The following VPS37B variants were observed in gnomAD, a reference collection of about 807,000 sequenced individuals.
The protein encoded by VPS37B is vacuolar protein sorting-associated protein 37B.
VPS37B carries 11 observed loss-of-function variants against 21.2 expected under a neutral mutation model. The ratio of observed to expected loss-of-function variants is 0.52; its 90% confidence interval spans 0.33 to 0.86. VPS37B has a LOEUF of 0.86. Ranked by LOEUF, VPS37B falls within the 40% of genes least tolerant of loss-of-function variation. The probability of loss-of-function intolerance (pLI) is 0.03; values close to 1 mark genes in which losing one functional copy is unlikely to be tolerated. For missense variants in VPS37B, 389 were observed against 374.8 expected (o/e 1.04, Z -0.31); for synonymous variants, 175 against 159.6 (o/e 1.10, Z -0.73).
rs531914745 is a variant in VPS37B, at chr12:122,887,145, C to T, written c.111+8807G>A. On this transcript the variant is annotated intron_variant, in intron 1 of 3. Transcript: ENST00000267202. ...GCTCTGCTATAAGTCCAGTATATGT[C>T]CTTGAAGTCAGTTATCTCGGCTGCC... The T allele has an allele frequency of 2.6e-5, 4 of 152,256 alleles. No homozygotes were observed. In the East Asian group the frequency reaches 7.7e-4, roughly 29 times the overall value. The allele number at this position is 152,256 out of a possible 1,614,324, so 9.4% of individuals were successfully genotyped here. A position where few individuals can be genotyped will look rare whatever the true frequency, so the allele number is the denominator to read the frequency against.
chr12:122,875,223 A>ATTTT (rs34993068), intron 1 of VPS37B: 2 of 95,996 alleles, frequency 2.1e-5, no homozygotes, highest in African/African-American at 4.1e-5. Flanking sequence ...CACCTGGCTA[A>ATTTT]TTTTTTTTTT....
chr12:122,883,284 C>T (rs781537380), intron 1 of VPS37B: 7 of 152,182 alleles, frequency 4.6e-5, no homozygotes, highest in Admixed American at 2.0e-4. Context: ...TAGACTCAAA[C>T]GATCCCCTCC....
chr12:122,874,638 CAA>C (rs1371023657), intron 1 of VPS37B: 1 of 152,186 alleles, frequency 6.6e-6, no homozygotes, highest in African/African-American at 2.4e-5. Flanking sequence ...CACCAGGCAT[CAA>C]AAGAGGCCAA....
intron 1 of VPS37B, chr12:122,884,696 T>A (rs1478973959): frequency 1.3e-5 from 2 of 152,146 alleles, no homozygotes; most frequent in Non-Finnish European, 2.9e-5. Context: ...GAAGACAGAA[T>A]TCCTAAAATT....
In VPS37B at chr12:122,868,373, G is replaced by T; in HGVS notation, c.366+107C>A. The T allele has an allele frequency of 2.0e-6, 2 of 1,008,976 alleles. No homozygotes were observed. The allele number at this position is 1,008,976 out of a possible 1,614,324, so 62.5% of individuals were successfully genotyped here. A position where few individuals can be genotyped will look rare whatever the true frequency, so the allele number is the denominator to read the frequency against. On this transcript the variant is annotated intron_variant, in intron 3 of 3. Coordinates refer to ENST00000267202, the MANE Select transcript of VPS37B (RefSeq NM_024667.3). The surrounding 1 kb of genome is among the most constrained non-coding windows in gnomAD (Gnocchi z 5.5). Reference sequence around the variant, plus strand: ...GGTATACAGCCCGTACACCTGGGAGGCACCACTCCTGGCCGTGGCGGTGTG... The same window carrying T: ...GGTATACAGCCCGTACACCTGGGAGTCACCACTCCTGGCCGTGGCGGTGTG...
At chr12:122,893,328 AT>A (rs1409615076) in intron 1 of VPS37B, among the ~76,000 whole-genome samples, 2 of 152,186 alleles carry the variant, frequency 1.3e-5, no homozygotes, top group African/African-American at 4.8e-5. Context: ...CTGTCATATT[AT>A]CCTTTTCCAA....
chr12:122,890,558 G>A (rs543423388), intron 1 of VPS37B, among the ~76,000 whole-genome samples: 2 of 152,156 alleles, frequency 1.3e-5, no homozygotes, highest in Admixed American at 1.3e-4. Context: ...AAACTACGGG[G>A]CTTAAGTAAT....
intron 1 of VPS37B, chr12:122,887,456 A>C (rs1290921679): frequency 6.6e-6 from 1 of 152,246 alleles, no homozygotes; most frequent in East Asian, 1.9e-4. Context: ...AATACTTATA[A>C]TATTCCTGTA....
chr12:122,896,032 C>T lies in VPS37B; in HGVS notation c.31G>A (p.Ala11Thr). ...TTGAGCTGCACCAGCGACAGCCCGG[C>T]GAACCGGGCTTCGCTCCCGGCGCCC... MAGAGSEARF[A>T]GLSLVQLNEL... The change falls in exon 1 of 4, where the codon GCC becomes ACC. Residue 11 changes from alanine (A) to threonine (T), a missense_variant. Physicochemically the swap from Ala to Thr is moderately conservative, Grantham distance 58 (BLOSUM62 0). Transcript: ENST00000267202. 6.3e-7 allele frequency: 1 copy of T among 1,589,970 alleles called. No homozygotes were observed.
rs528074765 is a variant in VPS37B at position 122,891,454 on chromosome 12, T to G, written c.111+4498A>C. Reference sequence around the variant, plus strand: ...TTTAAGTCACTTAAAGTCACACAACTCAGCTCCGTGCTTTCCATGAAATCT... The same window carrying G: ...TTTAAGTCACTTAAAGTCACACAACGCAGCTCCGTGCTTTCCATGAAATCT... On this transcript the variant is annotated intron_variant, in intron 1 of 3. Coordinates refer to ENST00000267202, the MANE Select transcript of VPS37B (RefSeq NM_024667.3). Among the ~76,000 whole-genome samples the G allele has an allele frequency of 2.0e-5, 3 of 152,308 alleles. No individual in the cohort carries two copies. In the East Asian group the frequency reaches 5.8e-4, roughly 29 times the overall value.
chr12:122,891,395 T>C (rs1593926742), intron 1 of VPS37B, among the ~76,000 whole-genome samples: 1 of 152,376 alleles, frequency 6.6e-6, no homozygotes, highest in East Asian at 1.9e-4. Context: ...CATATTATCC[T>C]TCCTTTAACA....
chr12:122,894,300 C>T lies in VPS37B; in HGVS notation c.111+1652G>A, dbSNP rs143532298. Among the ~76,000 whole-genome samples the T allele has an allele frequency of 5.7e-3, 869 of 152,286 alleles. 10 individuals are homozygous for T. Among genetic ancestry groups the T allele is most frequent in the African/African-American group, 0.02 (837 of 41,550 alleles). On this transcript the variant is annotated intron_variant, in intron 1 of 3. Transcript: ENST00000267202. ...CCACATGGAGACCATAAACGGGGTA[C>T]ACTGCATCTTGGAGCAACGTTATTA... is the stretch of plus-strand genomic sequence containing the variant.
At chr12:122,888,635 G>A (rs999896933) in intron 1 of VPS37B, 5 of 455,606 alleles carry the variant, frequency 1.1e-5, no homozygotes, top group Non-Finnish European at 2.2e-5. Context: ...ACGACCGACC[G>A]GTGAGGGTCA....
Position 122,871,647 on chromosome 12 carries a change from G to A in VPS37B, c.112-586C>T, listed in dbSNP as rs923716648. 7.1e-6 allele frequency: 7 copies of A among 985,284 alleles called. No homozygotes were observed. The African/African-American group carries it at 1.0e-4, about 15-fold the overall frequency. 61.0% of individuals were successfully genotyped at this position (985,284 alleles called of 1,614,324 possible). ...CCTTCCAGCTCCTAGCTGTTGGTGG[G>A]TGAGCAAAGCCGACCAAAAGCTGGG... On this transcript the variant is annotated intron_variant, in intron 1 of 3. Transcript: ENST00000267202.
chr12:122,883,631 C>T (rs555186993), intron 1 of VPS37B: 3 of 152,334 alleles, frequency 2.0e-5, no homozygotes, highest in African/African-American at 7.2e-5. Context: ...AGGTGTGCAC[C>T]ACCACATCCA....
rs1022706286 is a variant in VPS37B, at chr12:122,867,699, G to C, written c.367-92C>G. 1 of 1,552,660 alleles carries C rather than the reference G, an allele frequency of 6.4e-7. No homozygotes were observed. The highest frequency in any genetic ancestry group is 1.4e-5 in the African/African-American group (1 of 73,796). On this transcript the variant is annotated intron_variant, in intron 3 of 3. Coordinates refer to ENST00000267202, the MANE Select transcript of VPS37B (RefSeq NM_024667.3). This position sits in a 1 kb window ranked among gnomAD's most constrained non-coding sequence, Gnocchi z 5.5. ...GCACAAGGAGAGGCAACGCCCAGCT[G>C]CTTCCAACACTGCCCCCTCCCTGTA...
chr12:122,877,447 T>C (rs972829664), intron 1 of VPS37B: 1 of 152,230 alleles, frequency 6.6e-6, no homozygotes, highest in African/African-American at 2.4e-5. Context: ...AGTGGTGCAA[T>C]CATGGCTCAC....
At position 122,867,273 on chromosome 12, in the gene VPS37B, G is replaced by A. The variant is rs1336270878; in HGVS notation, c.701C>T (p.Pro234Leu). The change falls in exon 4 of 4, where the codon CCG becomes CTG. Residue 234 changes from proline to leucine, a missense_variant. Physicochemically the swap from Pro to Leu is moderately conservative, Grantham distance 98 (BLOSUM62 -3). Transcript: ENST00000267202. This position sits in a 1 kb window ranked among gnomAD's most constrained non-coding sequence, Gnocchi z 5.5. ...GGGCGGGCACTGTAATCCTGGGTAC[G>A]GCACGGCCTGTCCCGAACTCATGGC... ...TAAMSSGQAV[P>L]YPGLQCPPLP... 8.3e-6 allele frequency: 13 copies of A among 1,573,188 alleles called. No individual in the cohort carries two copies. Among genetic ancestry groups the A allele is most frequent in the African/African-American group, 2.7e-5 (2 of 73,524 alleles).
At chr12:122,895,871 G>A in intron 1 of VPS37B, 81 bp downstream of exon 1, 1 of 1,304,444 alleles carries the variant, frequency 7.7e-7, no homozygotes, top group Non-Finnish European at 1.1e-6. Flanking sequence ...CGCCGCGGTC[G>A]CCTCCGCCTC....
Sources: allele counts gnomAD v4.1 joint callset (sites outside exome capture counted in the v4.1 genomes callset), GRCh38; gene constraint gnomAD v4.1.1; non-coding constraint Gnocchi (gnomAD v3.1); transcripts MANE v1.5; gene names NCBI Gene and HGNC (gene_info 2026-07-23, HGNC 2026-07-21).